MEGF10: variants seen among roughly 807,000 people sequenced by gnomAD.
The protein encoded by MEGF10 is multiple EGF like domains 10.
In MEGF10, 86 loss-of-function variants were observed where a neutral mutation model predicts 147.5. That is an observed-to-expected ratio of 0.58 (90% CI 0.49 to 0.70). The LOEUF (loss-of-function observed/expected upper bound fraction) is 0.70. Ranked by LOEUF, MEGF10 falls within the 30% of genes least tolerant of loss-of-function variation. The pLI is 0.00. For missense variants in MEGF10, 1,329 were observed against 1,487.3 expected (o/e 0.89, Z 1.75); for synonymous variants, 478 against 525.5 (o/e 0.91, Z 1.24).
At position 127,440,834 on chromosome 5, in the gene MEGF10, C is replaced by A; in HGVS notation, c.2329C>A (p.Arg777Ser). 1.2e-6 allele frequency: 2 copies of A among 1,614,072 alleles called. No homozygotes were observed. The highest frequency in any genetic ancestry group is 1.7e-5 in the Admixed American group (1 of 60,028). The change falls in exon 18 of 25, where the codon CGC (arginine) becomes AGC (serine). Residue 777 changes from arginine to serine, a missense_variant. This residue lies in a region of MEGF10 where 980 missense variants were observed against 1,085.9 expected (regional missense o/e 0.90). Transcript: ENST00000503335. ...CDHISGQCTC[R>S]TGFMGRHCEQ... is the part of the protein sequence containing the mutation. The stretch of plus-strand genomic sequence containing the variant: ...CCACATTTCTGGGCAGTGTACTTGC[C>A]GCACTGGATTCATGGGACGGCACTG...
At chr5:127,231,415 C>T in the MEGF10 span, among the ~76,000 whole-genome samples, 2 of 152,210 alleles carry the variant, frequency 1.3e-5, no homozygotes, top group South Asian at 4.1e-4. Flanking sequence ...GCCGGAAACA[C>T]TCTTTCTTGG....
At chr5:127,333,080 G>T (rs1561576795) in intron 2 of MEGF10, among the ~76,000 whole-genome samples, 1 of 152,032 alleles carries the variant, frequency 6.6e-6, no homozygotes, top group Non-Finnish European at 1.5e-5. Flanking sequence ...AAAGGGAAGG[G>T]GTTAGTGTGG....
At chr5:127,279,023 A>T in the MEGF10 span, among the ~76,000 whole-genome samples, 1 of 152,182 alleles carries the variant, frequency 6.6e-6, no homozygotes, top group Non-Finnish European at 1.5e-5. Context: ...GCCACCATGG[A>T]GTTTGTGGAG....
At chr5:127,384,734 T>A (rs1763369860) in intron 5 of MEGF10, among the ~76,000 whole-genome samples, 1 of 152,238 alleles carries the variant, frequency 6.6e-6, no homozygotes, top group Non-Finnish European at 1.5e-5. Context: ...TGGCACTCTG[T>A]CAGCTCTCCA....
chr5:127,455,537 G>T lies in MEGF10; in HGVS notation c.3162G>T (p.Pro1054=). Residue 1054 remains proline, a synonymous_variant, in exon 24 of 25, where the codon CCG becomes CCT. Transcript: ENST00000503335. ...GTGGTTATGTGGAGATGAAATCGCC[G>T]GCACGAAGAGATTCCCCATATGCAG... ...SECGYVEMKS[P]ARRDSPYAEI... The T allele has an allele frequency of 6.2e-7, 1 of 1,613,982 alleles. No individual in the cohort carries two copies. Among genetic ancestry groups the T allele is most frequent in the Non-Finnish European group, 8.5e-7 (1 of 1,180,000 alleles).
intron 1 of MEGF10, among the ~76,000 whole-genome samples, chr5:127,328,123 T>C (rs187574519): frequency 6.6e-6 from 1 of 152,302 alleles, no homozygotes; most frequent in East Asian, 1.9e-4. Flanking sequence ...ATGCTGTGTT[T>C]CTTAGTTCTC....
intron 4 of MEGF10, among the ~76,000 whole-genome samples, chr5:127,353,035 T>C (rs1203347265): frequency 6.6e-6 from 1 of 152,222 alleles, no homozygotes; most frequent in African/African-American, 2.4e-5. Context: ...CTCAACTGTC[T>C]GCAGTTTGCA....
intron 5 of MEGF10, 123 bp from the exon 6 acceptor site, chr5:127,396,409 C>T: frequency 8.4e-7 from 1 of 1,189,402 alleles, no homozygotes; most frequent in Admixed American, 2.6e-5. Flanking sequence ...GGGTTGGGGC[C>T]AGGGCCCTGA....
intron 19 of MEGF10, among the ~76,000 whole-genome samples, chr5:127,445,069 ATC>A (rs1429630245): frequency 2.0e-5 from 3 of 152,186 alleles, no homozygotes; most frequent in African/African-American, 7.2e-5. Context: ...CTACTGTTGA[ATC>A]TCTTTGGGTT....
intron 1 of MEGF10, among the ~76,000 whole-genome samples, chr5:127,297,876 A>T (rs1381075053): frequency 6.6e-6 from 1 of 152,134 alleles, no homozygotes; most frequent in Non-Finnish European, 1.5e-5. Flanking sequence ...GTAAAATGAG[A>T]AAACTGTTCT....
At chr5:127,420,953 G>A (rs1264244466) in intron 12 of MEGF10, among the ~76,000 whole-genome samples, 2 of 152,244 alleles carry the variant, frequency 1.3e-5, no homozygotes, top group East Asian at 3.9e-4. Flanking sequence ...TTAACAATGT[G>A]ACCCCCTGAA....
intron 5 of MEGF10, among the ~76,000 whole-genome samples, chr5:127,379,594 C>CTTTTTTT (rs36030791): frequency 1.2e-4 from 11 of 90,374 alleles, no homozygotes; most frequent in East Asian, 5.8e-4. Context: ...TGGCCAGCTT[C>CTTTTTTT]TTTTTTTTTT....
At chr5:127,448,836 C>T (rs1766046713) in intron 21 of MEGF10, among the ~76,000 whole-genome samples, 1 of 149,154 alleles carries the variant, frequency 6.7e-6, no homozygotes, top group African/African-American at 2.5e-5. Context: ...TGTATAAATC[C>T]AAATAAGGTC....
the MEGF10 span, among the ~76,000 whole-genome samples, chr5:127,237,132 TAAAA>T: frequency 6.6e-6 from 1 of 151,526 alleles, no homozygotes; most frequent in African/African-American, 2.4e-5. Context: ...AGTCAGTTTT[TAAAA>T]AAAAAGGGGG....
chr5:127,247,768 G>A, the MEGF10 span, among the ~76,000 whole-genome samples: 2 of 152,038 alleles, frequency 1.3e-5, no homozygotes, highest in East Asian at 3.9e-4. Flanking sequence ...GAGACCAAGT[G>A]AAGATCATTA....
At chr5:127,455,065 C>T (rs972985272) in intron 23 of MEGF10, among the ~76,000 whole-genome samples, 1 of 152,166 alleles carries the variant, frequency 6.6e-6, no homozygotes, top group Non-Finnish European at 1.5e-5. Flanking sequence ...CCTCTTGGTG[C>T]TCCTGGGGCC....
chr5:127,363,555 C>G (rs1395468479), intron 4 of MEGF10, among the ~76,000 whole-genome samples: 2 of 152,134 alleles, frequency 1.3e-5, no homozygotes, highest in African/African-American at 2.4e-5. Flanking sequence ...GCATTTCAAT[C>G]TAGAAAGAGG....
chr5:127,288,599 T>C (rs182824062), upstream of MEGF10, among the ~76,000 whole-genome samples: 3 of 152,170 alleles, frequency 2.0e-5, no homozygotes, highest in African/African-American at 7.2e-5. Context: ...CTACCCAGTG[T>C]TGATGAGGAT....
the MEGF10 span, among the ~76,000 whole-genome samples, chr5:127,269,215 G>T: frequency 1.3e-5 from 2 of 152,248 alleles, no homozygotes. Context: ...CTCCTCGCCA[G>T]CAATGGAACA....
Sources: allele counts gnomAD v4.1 joint callset (sites outside exome capture counted in the v4.1 genomes callset), GRCh38; gene constraint gnomAD v4.1.1; regional missense constraint gnomAD v4.1.1; transcripts MANE v1.5; gene names NCBI Gene and HGNC (gene_info 2026-07-23, HGNC 2026-07-21).